LRP5: variants seen among roughly 807,000 people sequenced by gnomAD.
LRP5 encodes LDL receptor related protein 5, also known as low-density lipoprotein receptor-related protein 5.
A neutral mutation model predicts 154.1 loss-of-function variants in LRP5; 62 were observed. That is an observed-to-expected ratio of 0.40 (90% CI 0.33 to 0.50). The LOEUF (loss-of-function observed/expected upper bound fraction) is 0.50, where lower values mean the gene tolerates loss of function less well. LRP5 is among the 20% of genes least tolerant of loss of function. The pLI, the probability that LRP5 is intolerant of heterozygous loss-of-function variation, is 0.55. For missense variants in LRP5, 1,915 were observed against 2,336.7 expected, an observed-to-expected ratio of 0.82 and a Z score of 3.72; for synonymous variants, 966 against 1,011.5, an observed-to-expected ratio of 0.96 and a Z score of 0.85.
At chr11:68,384,788 C>G (rs1040006976) in intron 5 of LRP5, among the ~76,000 whole-genome samples, 1 of 152,178 alleles carries the variant, frequency 6.6e-6, no homozygotes, top group South Asian at 2.1e-4. Flanking sequence ...CCCCCACCCC[C>G]CAAACTGAAG....
intron 1 of LRP5, 94 bp downstream of exon 1, chr11:68,312,899 G>A: frequency 2.9e-6 from 2 of 687,150 alleles, no homozygotes; most frequent in South Asian, 6.2e-5. Flanking sequence ...CCGCCGTCTC[G>A]GAAGCGACTT....
At chr11:68,414,513 C>G (rs2098661420) in intron 12 of LRP5, among the ~76,000 whole-genome samples, 1 of 152,160 alleles carries the variant, frequency 6.6e-6, no homozygotes, top group African/African-American at 2.4e-5. Context: ...CCTTGCCAGG[C>G]AGCCTGGCAT....
At chr11:68,405,192 T>A (rs954867135) in intron 8 of LRP5, among the ~76,000 whole-genome samples, 12 of 149,506 alleles carry the variant, frequency 8.0e-5, no homozygotes, top group Non-Finnish European at 1.3e-4. Flanking sequence ...TTATGCCAGG[T>A]GTGGTGGCTC....
At chr11:68,373,664 A>G (rs992670328) in intron 5 of LRP5, among the ~76,000 whole-genome samples, 1 of 151,520 alleles carries the variant, frequency 6.6e-6, no homozygotes, top group African/African-American at 2.4e-5. Flanking sequence ...CGGCCTCCCC[A>G]CCCCCTCCAC....
At position 68,415,944 on chromosome 11, in the gene LRP5, A is replaced by G. The variant is rs962569675; in HGVS notation, c.2828-384A>G. ...GTGACGGGCGCCTGTAGTCCCAGCT[A>G]CTCAGGAGGCTGAGGCAGGAGAATG... On this transcript the variant is annotated intron_variant, in intron 12 of 22. Transcript: ENST00000294304. Among the ~76,000 whole-genome samples, 11 of 146,462 alleles carry G rather than the reference A, an allele frequency of 7.5e-5. 4 individuals carry two copies. The highest frequency in any genetic ancestry group is 4.8e-4 in the Admixed American group (7 of 14,442).
Position 68,389,974 on chromosome 11 carries a change from C to A in LRP5, c.1506C>A (p.Leu502=), listed in dbSNP as rs772589056. ...QERRVLVNAS[L]GWPNGLALDL... The stretch of plus-strand genomic sequence containing the variant: ...GGCGTGTGCTGGTCAATGCCTCCCT[C>A]GGGTGGCCCAACGGCCTGGCCCTGG... The change falls in exon 7 of 23, where the codon CTC becomes CTA. Residue 502 remains leucine, a synonymous_variant. Coordinates refer to ENST00000294304, the MANE Select transcript of LRP5 (RefSeq NM_002335.4). 3 of 1,614,056 alleles carry A rather than the reference C, an allele frequency of 1.9e-6. No homozygotes were observed.
chr11:68,419,408 AT>A (rs953085841), intron 13 of LRP5, among the ~76,000 whole-genome samples: 32 of 142,870 alleles, frequency 2.2e-4, no homozygotes, highest in Admixed American at 6.3e-4. Context: ...GATTTTTTGT[AT>A]TTTTTTTTTA....
intron 1 of LRP5, among the ~76,000 whole-genome samples, chr11:68,339,187 T>A (rs1591192515): frequency 6.6e-6 from 1 of 151,896 alleles, no homozygotes; most frequent in East Asian, 1.9e-4. Context: ...TTTGTTTTTG[T>A]TTTTTTGAGA....
chr11:68,427,878 G>C (rs183659086), intron 16 of LRP5, among the ~76,000 whole-genome samples: 96 of 152,196 alleles, frequency 6.3e-4, no homozygotes, highest in African/African-American at 2.1e-3. Flanking sequence ...CTCATTGTCC[G>C]GGTGTTGGAC....
chr11:68,412,291 TAAC>T (rs1459652442), intron 11 of LRP5, among the ~76,000 whole-genome samples: 1 of 152,032 alleles, frequency 6.6e-6, no homozygotes, highest in African/African-American at 2.4e-5. Context: ...CAACTGTGCT[TAAC>T]AAAGGAACCC....
At chr11:68,434,769 A>G (rs548602458) in intron 18 of LRP5, among the ~76,000 whole-genome samples, 1 of 140,484 alleles carries the variant, frequency 7.1e-6, no homozygotes, top group African/African-American at 2.5e-5. Flanking sequence ...GGAGCTGTTG[A>G]TGCCCTCGCT....
intron 7 of LRP5, among the ~76,000 whole-genome samples, chr11:68,394,764 C>T (rs115344040): frequency 5.7e-4 from 87 of 152,214 alleles, no homozygotes; most frequent in African/African-American, 2.0e-3. Context: ...GCGCCCGGCC[C>T]GATTTCCCAC....
Position 68,446,783 on chromosome 11 carries a change from C to T in LRP5, c.4586+250C>T, listed in dbSNP as rs570947. On this transcript the variant is annotated intron_variant, in intron 22 of 22. Transcript: ENST00000294304. Reference sequence around the variant, plus strand: ...TTCTGAGCTGCTCTTCAAGTTGCTCCTATGGGGGTTACTTTTAAGCTGGGA... The same window carrying T: ...TTCTGAGCTGCTCTTCAAGTTGCTCTTATGGGGGTTACTTTTAAGCTGGGA... Among the ~76,000 whole-genome samples, 2,111 of 152,274 alleles carry T rather than the reference C, an allele frequency of 0.014. 59 individuals carry two copies. The highest frequency in any genetic ancestry group is 0.048 in the African/African-American group (1,981 of 41,564).
intron 13 of LRP5, among the ~76,000 whole-genome samples, chr11:68,419,270 G>T (rs2098664213): frequency 6.6e-6 from 1 of 152,040 alleles, no homozygotes; most frequent in South Asian, 2.1e-4. Flanking sequence ...TCTCACCCCA[G>T]TGCCCAGGCT....
intron 1 of LRP5, among the ~76,000 whole-genome samples, chr11:68,334,965 A>G (rs1327828525): frequency 1.3e-5 from 2 of 152,170 alleles, no homozygotes; most frequent in East Asian, 3.9e-4. Flanking sequence ...GTCACTGGGA[A>G]CCCTGAATTA....
chr11:68,423,937 C>T lies in LRP5; in HGVS notation c.3236+240C>T, dbSNP rs995408210. On this transcript the variant is annotated intron_variant, in intron 14 of 22. Transcript: ENST00000294304. This position sits in a 1 kb window ranked among gnomAD's most constrained non-coding sequence, Gnocchi z 4.7. ...TGAGAGGTTACAAGGCAGCGCTGGC[C>T]GACGGGAGTTGCAGTTGATAGGTTT... Among the ~76,000 whole-genome samples, 21 of 152,200 alleles carry T rather than the reference C, an allele frequency of 1.4e-4. No homozygotes were observed. Among genetic ancestry groups the T allele is most frequent in the Non-Finnish European group, 1.0e-4 (7 of 68,038 alleles).
At chr11:68,368,847 CTTTT>C (rs1158183018) in intron 5 of LRP5, among the ~76,000 whole-genome samples, 4 of 132,190 alleles carry the variant, frequency 3.0e-5, no homozygotes, top group Admixed American at 7.6e-5. Context: ...TGAAGGATAT[CTTTT>C]TTTTTTTTTT....
intron 5 of LRP5, among the ~76,000 whole-genome samples, chr11:68,379,248 T>C (rs1371652538): frequency 6.6e-6 from 1 of 152,154 alleles, no homozygotes; most frequent in Non-Finnish European, 1.5e-5. Context: ...TTAGGTAAAA[T>C]AAGTACATTT....
chr11:68,346,987 G>C (rs1007458333), intron 1 of LRP5, among the ~76,000 whole-genome samples: 7 of 152,218 alleles, frequency 4.6e-5, no homozygotes, highest in African/African-American at 1.7e-4. Flanking sequence ...GTGAGATGAG[G>C]CTTCTTGCAC....
Sources: allele counts gnomAD v4.1 joint callset (sites outside exome capture counted in the v4.1 genomes callset), GRCh38; gene constraint gnomAD v4.1.1; non-coding constraint Gnocchi (gnomAD v3.1); transcripts MANE v1.5; gene names NCBI Gene and HGNC (gene_info 2026-07-23, HGNC 2026-07-21).